LUZP2: variants seen among roughly 807,000 people sequenced by gnomAD.
LUZP2 encodes leucine zipper protein 2.
A neutral mutation model predicts 51.6 loss-of-function variants in LUZP2; 52 were observed. That is an observed-to-expected ratio of 1.01 (90% CI 0.81 to 1.27). The LOEUF (loss-of-function observed/expected upper bound fraction) is 1.27, where lower values mean the gene tolerates loss of function less well. Ranked by LOEUF, LUZP2 falls within the 50% of genes most tolerant of loss-of-function variation. The probability of loss-of-function intolerance (pLI) is 0.00; values close to 1 mark genes in which losing one functional copy is unlikely to be tolerated. For missense variants in LUZP2, 436 were observed against 395.4 expected, an observed-to-expected ratio of 1.10 and a Z score of -0.87; for synonymous variants, 154 against 137.3, an observed-to-expected ratio of 1.12 and a Z score of -0.85.
rs534826577 is a variant in LUZP2, at chr11:24,691,326, A to G, written c.63-37843A>G. Among the ~76,000 whole-genome samples the G allele has an allele frequency of 4.6e-5, 7 of 152,174 alleles. No individual in the cohort carries two copies. In the South Asian group the frequency reaches 1.4e-3, roughly 31 times the overall value. On this transcript the variant is annotated intron_variant, in intron 1 of 11. Coordinates refer to ENST00000336930, the MANE Select transcript of LUZP2 (RefSeq NM_001009909.4). ...TTTACATATTCATCTCTAAGCTAATACTAATAGCAAAAATAGTGGTATATT... is the reference window on the plus strand; with the variant it reads ...TTTACATATTCATCTCTAAGCTAATGCTAATAGCAAAAATAGTGGTATATT...
chr11:24,798,040 GTTTTC>G (rs1174708778), intron 5 of LUZP2, among the ~76,000 whole-genome samples: 2 of 152,132 alleles, frequency 1.3e-5, no homozygotes, highest in East Asian at 1.9e-4. Flanking sequence ...TTTGGTTTTA[GTTTTC>G]TTTTGTTTTG....
chr11:25,040,850 G>T (rs34857735), intron 9 of LUZP2, among the ~76,000 whole-genome samples: 72,999 of 151,964 alleles, frequency 0.48, 17,831 homozygotes, highest in Non-Finnish European at 0.51. Context: ...TCATTCATCT[G>T]CATGATCCTT....
At chr11:24,820,722 T>C (rs2134156961) in intron 5 of LUZP2, among the ~76,000 whole-genome samples, 1 of 152,250 alleles carries the variant, frequency 6.6e-6, no homozygotes, top group South Asian at 2.1e-4. Context: ...ATTGCTCAAA[T>C]CTTTGGATTT....
chr11:24,666,184 A>T (rs1856206909), intron 1 of LUZP2, among the ~76,000 whole-genome samples: 1 of 152,162 alleles, frequency 6.6e-6, no homozygotes, highest in African/African-American at 2.4e-5. Context: ...AGCTGAACTC[A>T]GGAGCTGGGG....
chr11:24,789,726 C>T (rs955933940), intron 5 of LUZP2, among the ~76,000 whole-genome samples: 12 of 152,146 alleles, frequency 7.9e-5, no homozygotes, highest in Non-Finnish European at 1.8e-4. Flanking sequence ...GATGAGGACT[C>T]ACTTTCTGGC....
rs1327713711 is a variant in LUZP2 at position 24,991,394 on chromosome 11, G to GTATATATATA, written c.765+8102_765+8103insATATATATAT. 4.7e-3 allele frequency among the ~76,000 whole-genome samples: 510 copies of GTATATATATA among 109,292 alleles called. 1 individual carries two copies. The highest frequency in any genetic ancestry group is 9.6e-3 in the Admixed American group (92 of 9,546). The allele number at this position is 109,292 out of a possible 152,430, so 71.7% of individuals were successfully genotyped here. ...TATATATATGTGTGTGTGTGTGTGT[G>GTATATATATA]TGTATATATATATATATATATATAT... On this transcript the variant is annotated intron_variant, in intron 9 of 11. Coordinates refer to ENST00000336930, the MANE Select transcript of LUZP2 (RefSeq NM_001009909.4).
intron 1 of LUZP2, among the ~76,000 whole-genome samples, chr11:24,639,941 G>C (rs186570927): frequency 6.6e-6 from 1 of 151,922 alleles, no homozygotes; most frequent in Admixed American, 6.5e-5. Flanking sequence ...TTCCAGCTCT[G>C]TGAAGACTTT....
At chr11:25,006,284 A>C (rs1358165274) in intron 9 of LUZP2, among the ~76,000 whole-genome samples, 1 of 152,154 alleles carries the variant, frequency 6.6e-6, no homozygotes, top group East Asian at 1.9e-4. Flanking sequence ...AGTTTGTCTG[A>C]CAGGCATTAG....
At chr11:24,985,854 C>A (rs1437100892) in intron 9 of LUZP2, among the ~76,000 whole-genome samples, 2 of 151,532 alleles carry the variant, frequency 1.3e-5, no homozygotes, top group Non-Finnish European at 1.5e-5. Flanking sequence ...GATTAGATAT[C>A]ATCACAATGA....
intron 1 of LUZP2, among the ~76,000 whole-genome samples, chr11:24,684,350 C>G (rs530100842): frequency 2.0e-5 from 3 of 152,318 alleles, no homozygotes; most frequent in Non-Finnish European, 4.4e-5. Context: ...CTTCCCTTTA[C>G]TTCCTTTAGC....
At chr11:24,933,873 A>G (rs1854523357) in intron 7 of LUZP2, among the ~76,000 whole-genome samples, 1 of 152,122 alleles carries the variant, frequency 6.6e-6, no homozygotes, top group Non-Finnish European at 1.5e-5. Flanking sequence ...CGGTGGAGTT[A>G]GGAGCAATTT....
chr11:24,863,843 A>G (rs1366837718), intron 5 of LUZP2, among the ~76,000 whole-genome samples: 1 of 152,174 alleles, frequency 6.6e-6, no homozygotes, highest in Non-Finnish European at 1.5e-5. Flanking sequence ...GACTGAGTGC[A>G]CTGAAGATTA....
chr11:24,819,564 T>C (rs1425630263), intron 5 of LUZP2, among the ~76,000 whole-genome samples: 1 of 152,134 alleles, frequency 6.6e-6, no homozygotes, highest in Non-Finnish European at 1.5e-5. Context: ...TTTCTGTTTT[T>C]TGAAATATAT....
intron 5 of LUZP2, among the ~76,000 whole-genome samples, chr11:24,894,392 A>T (rs189350891): frequency 0.025 from 3,822 of 152,092 alleles, 76 homozygotes; most frequent in Non-Finnish European, 0.039. Flanking sequence ...TCAGCCTGGT[A>T]TCGAATTCCT....
intron 1 of LUZP2, among the ~76,000 whole-genome samples, chr11:24,673,915 T>G (rs564381889): frequency 6.6e-6 from 1 of 152,356 alleles, no homozygotes; most frequent in South Asian, 2.1e-4. Flanking sequence ...ATGTTAGTAC[T>G]GACATTTCTC....
chr11:24,800,270 T>G (rs567971707), intron 5 of LUZP2, among the ~76,000 whole-genome samples: 1 of 152,170 alleles, frequency 6.6e-6, no homozygotes, highest in Admixed American at 6.6e-5. Flanking sequence ...AGTTGGGAAA[T>G]TCTCATGAAA....
At chr11:24,822,040 C>T (rs1850377733) in intron 5 of LUZP2, among the ~76,000 whole-genome samples, 1 of 149,014 alleles carries the variant, frequency 6.7e-6, no homozygotes, top group Non-Finnish European at 1.5e-5. Context: ...TTTTTTTGGC[C>T]TTTGAATAAT....
intron 5 of LUZP2, among the ~76,000 whole-genome samples, chr11:24,846,315 T>C (rs543061196): frequency 6.6e-6 from 1 of 151,906 alleles, no homozygotes; most frequent in Admixed American, 6.6e-5. Flanking sequence ...GCTAAACATA[T>C]ACAGCAAGTC....
At chr11:24,584,616 G>C (rs1852994354) in intron 1 of LUZP2, among the ~76,000 whole-genome samples, 1 of 152,050 alleles carries the variant, frequency 6.6e-6, no homozygotes, top group South Asian at 2.1e-4. Context: ...GTTACTAAAT[G>C]AAATTATCTT....
Sources: gnomAD v4.1 joint callset for allele counts (sites outside exome capture counted in the v4.1 genomes callset) on GRCh38, gnomAD v4.1.1 for gene constraint, MANE v1.5 for transcripts, NCBI Gene and HGNC (gene_info 2026-07-23, HGNC 2026-07-21) for gene names.